Variants in GOLGA4 observed in about 807,000 individuals in gnomAD.
The protein encoded by GOLGA4 is golgin A4, also known as golgin subfamily A member 4.
GOLGA4 carries 169 observed loss-of-function variants against 265.9 expected under a neutral mutation model. That is an observed-to-expected ratio of 0.64 (90% CI 0.56 to 0.72). The LOEUF (loss-of-function observed/expected upper bound fraction) is 0.72. Among genes scored for constraint, GOLGA4 ranks in the 30% least tolerant of loss-of-function variants. GOLGA4 has a pLI of 0.00. For missense variants in GOLGA4, 2,482 were observed against 2,483.4 expected (o/e 1.00, Z 0.01); for synonymous variants, 923 against 855.8 (o/e 1.08, Z -1.37).
chr3:37,265,933 G>T (rs1463346872), intron 2 of GOLGA4, among the ~76,000 whole-genome samples: 1 of 151,374 alleles, frequency 6.6e-6, no homozygotes, highest in East Asian at 2.0e-4. Context: ...AGGCTGAGGT[G>T]GAAGATGGCT....
intron 1 of GOLGA4, 86 bp from the exon 2 acceptor site, chr3:37,251,309 G>T: frequency 1.3e-6 from 1 of 765,686 alleles, no homozygotes. Flanking sequence ...GAATTCTTTG[G>T]GCATGGACTG....
At chr3:37,285,862 G>A (rs1036365263) in intron 3 of GOLGA4, 152 bp from the exon 4 acceptor site, 1 of 479,636 alleles carries the variant, frequency 2.1e-6, no homozygotes, top group African/African-American at 2.0e-5. Flanking sequence ...TATGTCCTAT[G>A]TTAGTTTTGA....
At position 37,298,904 on chromosome 3, in the gene GOLGA4, A is replaced by G; in HGVS notation, c.886A>G (p.Lys296Glu). 1 of 1,613,614 alleles carries G rather than the reference A, an allele frequency of 6.2e-7. No homozygotes were observed. The highest frequency in any genetic ancestry group is 8.5e-7 in the Non-Finnish European group (1 of 1,179,566). ...AGTGAAGCGTCAAGAGAACCTACTT[A>G]AGCGTTGTAAGGAAACAATTCAGTC... ...QRVKRQENLL[K>E]RCKETIQSHK... The change falls in exon 8 of 24, where the codon AAG (lysine) becomes GAG (glutamate). Residue 296 changes from lysine (K) to glutamate (E), a missense_variant. This residue lies in a region of GOLGA4 where 1,536 missense variants were observed against 1,483.7 expected (regional missense o/e 1.04). Coordinates refer to ENST00000361924, the MANE Select transcript of GOLGA4 (RefSeq NM_002078.5).
At chr3:37,303,338 A>AG (rs2096897930) in intron 10 of GOLGA4, among the ~76,000 whole-genome samples, 1 of 152,228 alleles carries the variant, frequency 6.6e-6, no homozygotes, top group African/African-American at 2.4e-5. Context: ...TGTGAGCTTT[A>AG]GCCGCCTTGC....
chr3:37,324,272 G>C lies in GOLGA4; in HGVS notation c.2386G>C (p.Ala796Pro). Residue 796 changes from alanine (A) to proline (P), a missense_variant, in exon 14 of 24, where the codon GCA (alanine) becomes CCA (proline). This residue lies in a region of GOLGA4 where 1,536 missense variants were observed against 1,483.7 expected (regional missense o/e 1.04). Coordinates refer to ENST00000361924, the MANE Select transcript of GOLGA4 (RefSeq NM_002078.5). The part of the protein sequence containing the change: ...IKRSEGELQQ[A>P]SAKLDVFQSY... ...AAGGTCTGAAGGGGAACTCCAGCAG[G>C]CATCTGCTAAGCTGGACGTTTTTCA... The C allele has an allele frequency of 6.2e-7, 1 of 1,613,922 alleles. No homozygotes were observed. The highest frequency in any genetic ancestry group is 1.1e-5 in the South Asian group (1 of 91,070).
intron 2 of GOLGA4, among the ~76,000 whole-genome samples, chr3:37,252,588 T>C (rs1345694687): frequency 6.6e-6 from 1 of 152,210 alleles, no homozygotes; most frequent in Non-Finnish European, 1.5e-5. Context: ...CAGGAGCTTA[T>C]GAAAGTTGCT....
chr3:37,346,977 G>T (rs566288688), intron 20 of GOLGA4, among the ~76,000 whole-genome samples: 2 of 152,188 alleles, frequency 1.3e-5, no homozygotes, highest in Non-Finnish European at 2.9e-5. Flanking sequence ...AAAGATGTGA[G>T]AAATAAAATT....
chr3:37,265,163 T>C (rs2096780333), intron 2 of GOLGA4, among the ~76,000 whole-genome samples: 1 of 151,342 alleles, frequency 6.6e-6, no homozygotes, highest in Non-Finnish European at 1.5e-5. Flanking sequence ...TTCTATACAA[T>C]TTTATTATGT....
chr3:37,258,307 T>C (rs73059479), intron 2 of GOLGA4, among the ~76,000 whole-genome samples: 5 of 149,856 alleles, frequency 3.3e-5, no homozygotes, highest in African/African-American at 7.4e-5. Flanking sequence ...TATATATATA[T>C]AGAGAGCATA....
Position 37,324,312 on chromosome 3 carries a change from C to T in GOLGA4, c.2426C>T (p.Ala809Val). 2.5e-6 allele frequency: 4 copies of T among 1,614,112 alleles called. No individual in the cohort carries two copies. The highest frequency in any genetic ancestry group is 3.4e-6 in the Non-Finnish European group (4 of 1,180,008). The part of the protein sequence containing the change: ...KLDVFQSYQS[A>V]THEQTKAYEE... ...GACGTTTTTCAGTCTTACCAGAGTGCCACACATGAGCAGACAAAAGCATAT... is the reference window on the plus strand; with the variant it reads ...GACGTTTTTCAGTCTTACCAGAGTGTCACACATGAGCAGACAAAAGCATAT... Residue 809 changes from alanine to valine, a missense_variant, in exon 14 of 24, where the codon GCC (alanine) becomes GTC (valine). Physicochemically the swap from Ala to Val is moderately conservative, Grantham distance 64. Transcript: ENST00000361924.
chr3:37,331,060 A>C (rs2096988623), intron 16 of GOLGA4, among the ~76,000 whole-genome samples: 1 of 151,902 alleles, frequency 6.6e-6, no homozygotes, highest in Admixed American at 6.6e-5. Context: ...TGCAAGCCAC[A>C]AATATGAGCC....
chr3:37,325,092 A>G lies in GOLGA4; in HGVS notation c.3206A>G (p.Lys1069Arg). The stretch of plus-strand genomic sequence containing the variant: ...ATACATGAAATCCAATTACAGGAAA[A>G]AGAACAAGAGGTAGCAGAACTGAAA... Reference protein sequence around the residue: ...QEIHEIQLQEKEQEVAELKQK... With the variant: ...QEIHEIQLQEREQEVAELKQK... The change falls in exon 14 of 24, where the codon AAA becomes AGA. Residue 1069 changes from lysine to arginine, a missense_variant. Lys to Arg is a conservative substitution (Grantham distance 26). Transcript: ENST00000361924. 6.2e-7 allele frequency: 1 copy of G among 1,612,832 alleles called. No homozygotes were observed. Among genetic ancestry groups the G allele is most frequent in the Non-Finnish European group, 8.5e-7 (1 of 1,179,414 alleles).
At chr3:37,274,798 A>T (rs915090142) in intron 2 of GOLGA4, among the ~76,000 whole-genome samples, 1 of 152,150 alleles carries the variant, frequency 6.6e-6, no homozygotes, top group African/African-American at 2.4e-5. Flanking sequence ...AGTAGTCCCT[A>T]ATGTAAAATA....
chr3:37,315,364 T>C (rs1165752604), intron 10 of GOLGA4, 56 bp from the exon 11 acceptor site: 3 of 1,455,866 alleles, frequency 2.1e-6, no homozygotes, highest in Non-Finnish European at 2.8e-6. Context: ...TGTAAAACAC[T>C]TTAGCTCAAT....
intron 5 of GOLGA4, among the ~76,000 whole-genome samples, chr3:37,293,224 G>A (rs1008945003): frequency 2.0e-5 from 3 of 152,198 alleles, no homozygotes; most frequent in Admixed American, 2.0e-4. Flanking sequence ...CCCGTGGCCT[G>A]CATGCAGCCC....
rs775421253 is a variant in GOLGA4 at position 37,282,237 on chromosome 3, C to T, written c.442C>T (p.Arg148Ter). 1.3e-5 allele frequency: 21 copies of T among 1,613,976 alleles called. No individual in the cohort carries two copies. Among genetic ancestry groups the T allele is most frequent in the Non-Finnish European group, 1.4e-5 (16 of 1,179,986 alleles). Residue 148 changes from arginine (R) to a stop codon, truncating the protein, a stop_gained, in exon 3 of 24, where the codon CGA becomes TGA. Transcript: ENST00000361924. LOFTEE classifies it high-confidence loss of function. ...QLIQRLRRMERSLSSYRGKYS... is the reference protein window; with the variant it reads ...QLIQRLRRME ...GATTCAGCGGTTGCGAAGAATGGAA[C>T]GAAGCTTAAGTAGCTACAGGGGAAA...
chr3:37,291,272 G>GC (rs2096863959), intron 5 of GOLGA4, among the ~76,000 whole-genome samples: 1 of 150,804 alleles, frequency 6.6e-6, no homozygotes, highest in African/African-American at 2.4e-5. Context: ...AGGAATACCT[G>GC]TTTTTTTTTC....
At chr3:37,296,026 A>C in intron 6 of GOLGA4, 61 bp from the exon 7 acceptor site, 1 of 1,446,058 alleles carries the variant, frequency 6.9e-7, no homozygotes, top group Non-Finnish European at 9.7e-7. Flanking sequence ...ATACCAAGGG[A>C]CAATTGTACT....
At chr3:37,329,516 G>A (rs1162689579) in intron 16 of GOLGA4, among the ~76,000 whole-genome samples, 1 of 152,176 alleles carries the variant, frequency 6.6e-6, no homozygotes, top group Non-Finnish European at 1.5e-5. Flanking sequence ...ATCTTTCTGG[G>A]AGGGACAATC....
Sources: allele counts gnomAD v4.1 joint callset (sites outside exome capture counted in the v4.1 genomes callset), GRCh38; gene constraint gnomAD v4.1.1; regional missense constraint gnomAD v4.1.1; transcripts MANE v1.5; gene names NCBI Gene and HGNC (gene_info 2026-07-23, HGNC 2026-07-21).